The following CACNB2 variants were observed in gnomAD, a reference collection of about 807,000 sequenced individuals.
CACNB2 encodes calcium voltage-gated channel auxiliary subunit beta 2.
In CACNB2, 42 loss-of-function variants were observed where a neutral mutation model predicts 73.3. The ratio of observed to expected loss-of-function variants is 0.57; its 90% CI spans 0.45 to 0.74. The LOEUF is 0.74. Among genes scored for constraint, CACNB2 ranks in the 30% least tolerant of loss-of-function variants. CACNB2 has a pLI of 0.00. For synonymous variants in CACNB2, 348 were observed against 310.3 expected, an observed-to-expected ratio of 1.12 and a Z score of -1.28; for missense variants, 940 against 853.0, an observed-to-expected ratio of 1.10 and a Z score of -1.27.
rs1356604464 is a variant in CACNB2, at chr10:18,307,983, C to CATTTTTTTTT, written c.214-93941_214-93940insATTTTTTTTT. ...TTAAGTCTAAAATAATATATGCCAA[C>CATTTTTTTTT]TTTTTTTTTTTTTTTTTTTTTTTTT... On this transcript the variant is annotated intron_variant, in intron 2 of 13. Transcript: ENST00000324631. Among the ~76,000 whole-genome samples, 58 of 70,244 alleles carry CATTTTTTTTT rather than the reference C, an allele frequency of 8.3e-4. 4 individuals are homozygous for CATTTTTTTTT. The highest frequency in any genetic ancestry group is 3.2e-3 in the African/African-American group (53 of 16,762). The allele number at this position is 70,244 out of a possible 152,430, so 46.1% of individuals were successfully genotyped here.
chr10:18,408,363 C>T (rs773716489), intron 3 of CACNB2, among the ~76,000 whole-genome samples: 18 of 151,316 alleles, frequency 1.2e-4, no homozygotes, highest in Non-Finnish European at 2.1e-4. Context: ...CTCAGCCTCC[C>T]GAGTAGCTGG....
At chr10:18,350,911 C>T (rs1487254884) in intron 2 of CACNB2, among the ~76,000 whole-genome samples, 1 of 152,068 alleles carries the variant, frequency 6.6e-6, no homozygotes, top group South Asian at 2.1e-4. Context: ...GAGCTCAAGC[C>T]GTCATCTATC....
intron 6 of CACNB2, among the ~76,000 whole-genome samples, chr10:18,509,650 T>C (rs2050664262): frequency 6.6e-6 from 1 of 151,852 alleles, no homozygotes; most frequent in Admixed American, 6.6e-5. Flanking sequence ...ATTAGCTGGG[T>C]ATGGTGGTGT....
At chr10:18,377,726 G>A (rs755976179) in intron 2 of CACNB2, among the ~76,000 whole-genome samples, 13 of 152,152 alleles carry the variant, frequency 8.5e-5, no homozygotes, top group Admixed American at 2.0e-4. Flanking sequence ...TGGTTAGAGC[G>A]GGGAAGGTAT....
At chr10:18,255,903 A>AT (rs1246218198) in intron 2 of CACNB2, among the ~76,000 whole-genome samples, 3 of 152,190 alleles carry the variant, frequency 2.0e-5, no homozygotes, top group African/African-American at 7.2e-5. Context: ...ATTTCTTATT[A>AT]TGAAAGAGTT....
chr10:18,152,723 AAAAAAAAAACAAAAAAC>A (rs1372955886), intron 2 of CACNB2, among the ~76,000 whole-genome samples: 122 of 131,572 alleles, frequency 9.3e-4, no homozygotes, highest in African/African-American at 3.9e-3. Context: ...AAAAAAAAAA[AAAAAAAAAACAAAAAAC>A]AAAACACTAG....
At chr10:18,314,655 T>TGTGTA (rs2040090150) in intron 2 of CACNB2, among the ~76,000 whole-genome samples, 1 of 152,128 alleles carries the variant, frequency 6.6e-6, no homozygotes, top group African/African-American at 2.4e-5. Flanking sequence ...TCAGTTACCA[T>TGTGTA]TCAAAAACTG....
At chr10:18,288,698 C>CACACACACACACAT (rs1303444399) in intron 2 of CACNB2, among the ~76,000 whole-genome samples, 2 of 151,860 alleles carry the variant, frequency 1.3e-5, no homozygotes, top group African/African-American at 4.8e-5. Flanking sequence ...CACACACACA[C>CACACACACACACAT]ACACACAGAG....
At chr10:18,478,712 A>G (rs2048566344) in intron 3 of CACNB2, among the ~76,000 whole-genome samples, 1 of 152,234 alleles carries the variant, frequency 6.6e-6, no homozygotes, top group Non-Finnish European at 1.5e-5. Context: ...AGTAGGGAGA[A>G]GAGGAATTCC....
intron 2 of CACNB2, among the ~76,000 whole-genome samples, chr10:18,159,759 C>A (rs145516439): frequency 1.3e-5 from 2 of 152,178 alleles, no homozygotes; most frequent in Non-Finnish European, 2.9e-5. Context: ...TCCAGGCCTG[C>A]GTAGACTGAT....
intron 2 of CACNB2, among the ~76,000 whole-genome samples, chr10:18,374,404 C>T (rs540148209): frequency 7.2e-4 from 109 of 152,154 alleles, no homozygotes; most frequent in Admixed American, 1.3e-3. Flanking sequence ...AACAGGTGAC[C>T]TGAGAGCTGA....
intron 3 of CACNB2, among the ~76,000 whole-genome samples, chr10:18,492,849 C>T (rs1166536883): frequency 6.6e-6 from 1 of 152,024 alleles, no homozygotes; most frequent in Non-Finnish European, 1.5e-5. Flanking sequence ...CAGGAAATGA[C>T]TTGTCTTGGG....
At chr10:18,182,274 G>A (rs1051362406) in intron 2 of CACNB2, among the ~76,000 whole-genome samples, 5 of 151,798 alleles carry the variant, frequency 3.3e-5, no homozygotes, top group East Asian at 3.9e-4. Context: ...CCAGTGAGCC[G>A]AGATTGCACC....
chr10:18,486,595 A>G (rs543399957), intron 3 of CACNB2, among the ~76,000 whole-genome samples: 30 of 152,174 alleles, frequency 2.0e-4, no homozygotes, highest in Admixed American at 3.3e-4. Context: ...AAAGCTGTCC[A>G]CTAATATCCT....
chr10:18,466,329 G>A (rs1333906845), intron 3 of CACNB2, among the ~76,000 whole-genome samples: 1 of 152,030 alleles, frequency 6.6e-6, no homozygotes, highest in South Asian at 2.1e-4. Context: ...TCAAACTTCT[G>A]GACTGAAGCA....
intron 4 of CACNB2, among the ~76,000 whole-genome samples, chr10:18,500,449 T>C (rs778073332): frequency 3.4e-4 from 51 of 152,162 alleles, no homozygotes; most frequent in Non-Finnish European, 6.6e-4. Flanking sequence ...TTGGTCTGAT[T>C]ATATAAGGGG....
intron 2 of CACNB2, among the ~76,000 whole-genome samples, chr10:18,300,710 A>G (rs937531059): frequency 3.3e-5 from 5 of 152,138 alleles, no homozygotes; most frequent in Middle Eastern, 3.2e-3. Flanking sequence ...TTAGCCGTGC[A>G]TGGTGGTGGG....
chr10:18,477,602 A>G (rs148104043), intron 3 of CACNB2, among the ~76,000 whole-genome samples: 5 of 152,306 alleles, frequency 3.3e-5, no homozygotes, highest in Admixed American at 3.3e-4. Context: ...GGAATCACTA[A>G]AACAGTCTGT....
At chr10:18,261,079 C>T (rs1022218269) in intron 2 of CACNB2, 3 of 1,392,718 alleles carry the variant, frequency 2.2e-6, no homozygotes. Context: ...CAGGGGAGAA[C>T]AAAGTTTTGG....
Sources: allele counts gnomAD v4.1 joint callset (sites outside exome capture counted in the v4.1 genomes callset), GRCh38; gene constraint gnomAD v4.1.1; transcripts MANE v1.5; gene names NCBI Gene and HGNC (gene_info 2026-07-23, HGNC 2026-07-21).